Variants in CRYBG1 observed in about 807,000 individuals in gnomAD.
The protein encoded by CRYBG1 is beta/gamma crystallin domain-containing protein 1.
Under a neutral mutation model 189.2 loss-of-function variants are expected in CRYBG1, and 139 were observed. The observed-to-expected ratio is 0.73, with a 90% confidence interval of 0.64 to 0.85. The LOEUF (loss-of-function observed/expected upper bound fraction) is 0.85, where lower values mean the gene tolerates loss of function less well. Ranked by LOEUF, CRYBG1 falls within the 40% of genes least tolerant of loss-of-function variation. The pLI, the probability that CRYBG1 is intolerant of heterozygous loss-of-function variation, is 0.00. For missense variants in CRYBG1, 2,611 were observed against 2,675.8 expected (o/e 0.98, Z 0.53); for synonymous variants, 1,023 against 1,017.1 (o/e 1.01, Z -0.11).
intron 13 of CRYBG1, among the ~76,000 whole-genome samples, chr6:106,546,569 T>C (rs1237907029): frequency 1.3e-5 from 2 of 152,226 alleles, no homozygotes; most frequent in Admixed American, 6.5e-5. Context: ...AACAAGTTCT[T>C]GTCTAGGCCG....
At position 106,539,519 on chromosome 6, in the gene CRYBG1, C is replaced by T; in HGVS notation, c.4835C>T (p.Pro1612Leu). Residue 1612 changes from proline (P) to leucine (L), a missense_variant, in exon 9 of 22, where the codon CCT becomes CTT. Pro to Leu is a moderately conservative substitution (Grantham distance 98). Around this residue, in one of 3 missense-constraint regions of CRYBG1, gnomAD observed 1,622 missense variants for 1,735.0 expected, o/e 0.93. Coordinates refer to ENST00000633556, the MANE Select transcript of CRYBG1 (RefSeq NM_001371242.2). ...GAAGCGTACATTGGATCCATGCGGC[C>T]TCTGAAAATGGTAAAAATGAAATCC... ...TEEAYIGSMR[P>L]LKMGGRKVEF... is the part of the protein sequence containing the mutation. 6.2e-7 allele frequency: 1 copy of T among 1,609,482 alleles called. No homozygotes were observed.
intron 1 of CRYBG1, among the ~76,000 whole-genome samples, chr6:106,376,746 A>C (rs1562290169): frequency 6.6e-6 from 1 of 152,128 alleles, no homozygotes; most frequent in Non-Finnish European, 1.5e-5. Flanking sequence ...TTATTTAAAC[A>C]CTTCTCAATT....
At chr6:106,367,452 TG>T (rs1194554002) in intron 1 of CRYBG1, among the ~76,000 whole-genome samples, 1 of 151,906 alleles carries the variant, frequency 6.6e-6, no homozygotes, top group Admixed American at 6.6e-5. Context: ...CTGGGCGTGG[TG>T]GCATACGCCT....
chr6:106,379,780 A>G (rs1280272607), intron 1 of CRYBG1, among the ~76,000 whole-genome samples: 1 of 151,434 alleles, frequency 6.6e-6, no homozygotes, highest in Non-Finnish European at 1.5e-5. Context: ...CAGCTTGAGG[A>G]TTGCTTGAGG....
At chr6:106,450,121 G>A (rs541251732) in intron 1 of CRYBG1, among the ~76,000 whole-genome samples, 1 of 151,846 alleles carries the variant, frequency 6.6e-6, no homozygotes. Context: ...CAGCTGCTGA[G>A]GCAGGAGCAT....
rs1208831549 is a variant in CRYBG1 at position 106,517,363 on chromosome 6, C to CAT, written c.1923-1762_1923-1761dup. The stretch of plus-strand genomic sequence containing the variant: ...ATATACACACACATATATATATACA[C>CAT]ATATATACACACACACATATACACA... On this transcript the variant is annotated intron_variant, in intron 3 of 21. Transcript: ENST00000633556. 9.2e-3 allele frequency among the ~76,000 whole-genome samples: 647 copies of CAT among 69,992 alleles called. 19 individuals are homozygous for CAT. The highest frequency in any genetic ancestry group is 0.029 in the African/African-American group (534 of 18,124). The allele number at this position is 69,992 out of a possible 152,430, so 45.9% of individuals were successfully genotyped here. A position where few individuals can be genotyped will look rare whatever the true frequency, so the allele number is the denominator to read the frequency against.
chr6:106,539,334 A>T, intron 8 of CRYBG1, 69 bp from the exon 9 acceptor site: 1 of 1,576,578 alleles, frequency 6.3e-7, no homozygotes, highest in Non-Finnish European at 8.7e-7. Flanking sequence ...CCTGGGTACC[A>T]GACAGAAGGA....
In CRYBG1 at chr6:106,511,586, TCTCCTAAG is replaced by T. The variant is rs1459454566; in HGVS notation, c.474_481del (p.Lys159ArgfsTer5). 1 of 1,535,722 alleles carries T rather than the reference TCTCCTAAG, an allele frequency of 6.5e-7. No individual in the cohort carries two copies. Among genetic ancestry groups the T allele is most frequent in the East Asian group, 2.4e-5 (1 of 40,902 alleles). The stretch of plus-strand genomic sequence containing the variant: ...ACTCTCTCCCAAAGATGTGGTAGCC[TCTCCTAAG>T]CTCCCAGAGAGAGAGAGTGAGAGGA... On this transcript the variant is annotated frameshift_variant, in exon 3 of 22. Transcript: ENST00000633556. LOFTEE classifies it high-confidence loss of function.
chr6:106,512,427 TC>T lies in CRYBG1; in HGVS notation c.1313del (p.Pro438LeufsTer30). 6.2e-7 allele frequency: 1 copy of T among 1,609,218 alleles called. No homozygotes were observed. The highest frequency in any genetic ancestry group is 8.5e-7 in the Non-Finnish European group (1 of 1,178,504). ...STDSPGADAELPESAARDDAV... is the reference protein window; with the variant it reads ...STDSPGADAEXPESAARDDAV... ...GACTCCCCCGGCGCGGACGCCGAGC[TC>T]CCTGAGAGCGCTGCCAGGGACGACG... On this transcript the variant is annotated frameshift_variant, in exon 3 of 22. Transcript: ENST00000633556. LOFTEE classifies it high-confidence loss of function.
chr6:106,555,793 T>C lies in CRYBG1; in HGVS notation c.5611T>C (p.Phe1871Leu), dbSNP rs1291248388. The C allele has an allele frequency of 6.2e-7, 1 of 1,614,066 alleles. No individual in the cohort carries two copies. The highest frequency in any genetic ancestry group is 1.3e-5 in the African/African-American group (1 of 74,914). ...GSWVVYDGEN[F>L]TGNQYVLEEG... is the part of the protein sequence containing the mutation. Reference sequence around the variant, plus strand: ...CTGGGTTGTATATGATGGAGAAAATTTCACTGGTAATCAATACGTGTTGGA... The same window carrying C: ...CTGGGTTGTATATGATGGAGAAAATCTCACTGGTAATCAATACGTGTTGGA... Residue 1871 changes from phenylalanine (F) to leucine (L), a missense_variant, in exon 17 of 22, where the codon TTC becomes CTC. Transcript: ENST00000633556.
intron 6 of CRYBG1, 48 bp from the exon 7 acceptor site, chr6:106,527,257 C>A: frequency 6.6e-7 from 1 of 1,512,632 alleles, no homozygotes; most frequent in Non-Finnish European, 8.9e-7. Flanking sequence ...GTAATCAAAA[C>A]CTCTCTCACG....
intron 2 of CRYBG1, among the ~76,000 whole-genome samples, chr6:106,459,725 T>C (rs1771964719): frequency 6.6e-6 from 1 of 152,168 alleles, no homozygotes; most frequent in Non-Finnish European, 1.5e-5. Context: ...TTTTTTTCTT[T>C]TATAAACAAC....
chr6:106,431,157 C>A (rs192296325), intron 1 of CRYBG1, among the ~76,000 whole-genome samples: 1 of 152,134 alleles, frequency 6.6e-6, no homozygotes, highest in Non-Finnish European at 1.5e-5. Context: ...CCACCACACC[C>A]GGCGTAGGGA....
intron 2 of CRYBG1, among the ~76,000 whole-genome samples, chr6:106,506,158 T>G (rs551810028): frequency 2.3e-4 from 35 of 152,344 alleles, no homozygotes; most frequent in African/African-American, 8.4e-4. Flanking sequence ...ATTTTCATTC[T>G]GATTTGTTTA....
chr6:106,368,878 A>G (rs1308514054), intron 1 of CRYBG1, among the ~76,000 whole-genome samples: 2 of 152,170 alleles, frequency 1.3e-5, no homozygotes, highest in African/African-American at 4.8e-5. Context: ...AAAAAAATAA[A>G]CAACCATAAC....
chr6:106,517,441 TATATATACACAC>T (rs1773463957), intron 3 of CRYBG1, among the ~76,000 whole-genome samples: 1 of 145,202 alleles, frequency 6.9e-6, no homozygotes, highest in African/African-American at 2.6e-5. Context: ...CACACACACA[TATATATACACAC>T]ATATATATAT....
chr6:106,386,945 A>G (rs1445915659), intron 1 of CRYBG1, among the ~76,000 whole-genome samples: 2 of 152,198 alleles, frequency 1.3e-5, no homozygotes, highest in Non-Finnish European at 2.9e-5. Context: ...TGATTTTGAC[A>G]TTGCTTAAAG....
intron 2 of CRYBG1, among the ~76,000 whole-genome samples, chr6:106,478,649 C>T (rs1376741523): frequency 6.6e-6 from 1 of 152,208 alleles, no homozygotes; most frequent in East Asian, 1.9e-4. Context: ...ACCCCTGGAC[C>T]ATAGACCAAT....
At chr6:106,447,123 C>T (rs1213256705) in intron 1 of CRYBG1, among the ~76,000 whole-genome samples, 3 of 152,182 alleles carry the variant, frequency 2.0e-5, no homozygotes, top group African/African-American at 7.2e-5. Flanking sequence ...TCTGCTAAGA[C>T]TGCAGACCAA....
Sources: gnomAD v4.1 joint callset for allele counts (sites outside exome capture counted in the v4.1 genomes callset) on GRCh38, gnomAD v4.1.1 for gene constraint, gnomAD v4.1.1 regional missense constraint, MANE v1.5 for transcripts, NCBI Gene and HGNC (gene_info 2026-07-23, HGNC 2026-07-21) for gene names.